MAPK10: variants seen among roughly 807,000 people sequenced by gnomAD.
MAPK10 encodes mitogen-activated protein kinase 10.
A neutral mutation model predicts 59.3 loss-of-function variants in MAPK10; 25 were observed. The observed-to-expected ratio is 0.42, with a 90% CI of 0.31 to 0.59. MAPK10 has a LOEUF of 0.59. Among genes scored for constraint, MAPK10 ranks in the 20% least tolerant of loss-of-function variants. The pLI, the probability that MAPK10 is intolerant of heterozygous loss-of-function variation, is 0.15. For missense variants in MAPK10, 351 were observed against 568.9 expected, an observed-to-expected ratio of 0.62 and a Z score of 3.90; for synonymous variants, 190 against 200.5, an observed-to-expected ratio of 0.95 and a Z score of 0.44.
At chr4:86,251,228 GGTTA>G (rs1394994537) in intron 2 of MAPK10, among the ~76,000 whole-genome samples, 1 of 151,542 alleles carries the variant, frequency 6.6e-6, no homozygotes, top group African/African-American at 2.4e-5. Flanking sequence ...ACATTGTGCA[GGTTA>G]GTTACATATG....
intron 2 of MAPK10, among the ~76,000 whole-genome samples, chr4:86,299,634 T>G (rs1308282020): frequency 3.3e-5 from 5 of 152,194 alleles, no homozygotes; most frequent in African/African-American, 1.2e-4. Flanking sequence ...GGCCTAGACA[T>G]ACTAAGATAT....
At chr4:86,099,270 T>G (rs2054862690) in intron 8 of MAPK10, 1 of 152,260 alleles carries the variant, frequency 6.6e-6, no homozygotes, top group Non-Finnish European at 1.5e-5. Flanking sequence ...AATTAGCACA[T>G]GTATAAAGGA....
intron 1 of MAPK10, among the ~76,000 whole-genome samples, chr4:86,551,824 C>T (rs1477982254): frequency 2.0e-5 from 3 of 152,122 alleles, no homozygotes; most frequent in African/African-American, 7.2e-5. Context: ...AGGCTGGTCT[C>T]GAATACCTGA....
At chr4:86,419,707 C>T (rs1746273215) in intron 1 of MAPK10, among the ~76,000 whole-genome samples, 1 of 151,908 alleles carries the variant, frequency 6.6e-6, no homozygotes, top group African/African-American at 2.4e-5. Context: ...GAGAAAAATC[C>T]ATAAAGTTTC....
chr4:86,111,583 G>C (rs1289276008), intron 4 of MAPK10, among the ~76,000 whole-genome samples: 2 of 152,210 alleles, frequency 1.3e-5, no homozygotes, highest in Non-Finnish European at 2.9e-5. Flanking sequence ...AAGCAAACTT[G>C]ATTATGGTGG....
chr4:86,533,237 G>C (rs952544830), intron 1 of MAPK10, among the ~76,000 whole-genome samples: 1 of 152,090 alleles, frequency 6.6e-6, no homozygotes, highest in Non-Finnish European at 1.5e-5. Flanking sequence ...CACTGGTTAC[G>C]AGGGGTAAAA....
chr4:86,164,735 A>G (rs1177212175), intron 3 of MAPK10, among the ~76,000 whole-genome samples: 2 of 152,190 alleles, frequency 1.3e-5, no homozygotes, highest in African/African-American at 2.4e-5. Context: ...TATGTTAAAC[A>G]TGTTAAAGTG....
chr4:86,395,093 C>T (rs1298558942), intron 1 of MAPK10, among the ~76,000 whole-genome samples: 3 of 152,090 alleles, frequency 2.0e-5, no homozygotes, highest in South Asian at 4.1e-4. Context: ...TATGTCATTG[C>T]AGCCTTCAAT....
At chr4:86,405,606 T>C (rs1441436216) in intron 1 of MAPK10, among the ~76,000 whole-genome samples, 7 of 152,168 alleles carry the variant, frequency 4.6e-5, no homozygotes, top group Admixed American at 4.6e-4. Context: ...ATTTGGGCAA[T>C]TAAAGGTAAT....
intron 9 of MAPK10, among the ~76,000 whole-genome samples, chr4:86,071,888 T>A (rs1579620808): frequency 7.1e-6 from 1 of 140,040 alleles, no homozygotes; most frequent in Admixed American, 7.0e-5. Flanking sequence ...CTTTTTTGGT[T>A]CCATATGAAC....
chr4:86,251,921 G>T (rs2093460046), intron 2 of MAPK10, among the ~76,000 whole-genome samples: 1 of 124,504 alleles, frequency 8.0e-6, no homozygotes, highest in Non-Finnish European at 1.6e-5. Context: ...TTTCTCTGAT[G>T]GCCAGTGATG....
intron 1 of MAPK10, among the ~76,000 whole-genome samples, chr4:86,527,733 C>G (rs532757082): frequency 5.4e-4 from 82 of 152,274 alleles, no homozygotes; most frequent in African/African-American, 1.9e-3. Context: ...CAGCACTATT[C>G]ACAATAACAA....
chr4:86,084,001 T>G (rs1304100319), intron 9 of MAPK10, among the ~76,000 whole-genome samples: 1 of 152,100 alleles, frequency 6.6e-6, no homozygotes, highest in Non-Finnish European at 1.5e-5. Context: ...CATATCAGGA[T>G]TCATCACCTG....
intron 4 of MAPK10, among the ~76,000 whole-genome samples, chr4:86,111,531 A>G (rs1243263405): frequency 6.6e-6 from 1 of 152,150 alleles, no homozygotes; most frequent in African/African-American, 2.4e-5. Context: ...AACTTCATTT[A>G]TTGATTTGCG....
intron 1 of MAPK10, chr4:86,358,066 G>A: frequency 1.0e-6 from 1 of 985,126 alleles, no homozygotes; most frequent in Non-Finnish European, 1.2e-6. Context: ...TCAAGGTAGA[G>A]AAGGAAATAC....
chr4:86,498,222 A>G (rs1452421424), intron 1 of MAPK10, among the ~76,000 whole-genome samples: 2 of 152,186 alleles, frequency 1.3e-5, no homozygotes, highest in Non-Finnish European at 2.9e-5. Context: ...ACTTTATGTA[A>G]AAGGGACTAA....
intron 3 of MAPK10, among the ~76,000 whole-genome samples, chr4:86,190,674 T>G (rs562171689): frequency 6.7e-6 from 1 of 149,772 alleles, no homozygotes; most frequent in Non-Finnish European, 1.5e-5. Flanking sequence ...CTATCTATTT[T>G]GTTAACCTTT....
intron 8 of MAPK10, 62 bp downstream of exon 8, chr4:86,100,987 GGCT>G: frequency 1.4e-6 from 2 of 1,379,750 alleles, no homozygotes; most frequent in Non-Finnish European, 2.0e-6. Context: ...CATTCCCCTT[GGCT>G]ATCTACAACG....
intron 1 of MAPK10, chr4:86,593,604 A>G (rs1396710737): frequency 6.6e-6 from 1 of 152,240 alleles, no homozygotes. Context: ...AGTCTCATAG[A>G]TAAAATAACA....
Sources: allele counts gnomAD v4.1 joint callset (sites outside exome capture counted in the v4.1 genomes callset), GRCh38; gene constraint gnomAD v4.1.1; transcripts MANE v1.5; gene names NCBI Gene and HGNC (gene_info 2026-07-23, HGNC 2026-07-21).